The following SESN1 variants were observed in gnomAD, a reference collection of about 807,000 sequenced individuals.
The protein encoded by SESN1 is sestrin-1.
A neutral mutation model predicts 59.3 loss-of-function variants in SESN1; 30 were observed. The ratio of observed to expected loss-of-function variants is 0.51; its 90% CI spans 0.38 to 0.69. The LOEUF (loss-of-function observed/expected upper bound fraction) is 0.69. Ranked by LOEUF, SESN1 falls within the 30% of genes least tolerant of loss-of-function variation. The probability of loss-of-function intolerance (pLI) is 0.00; values close to 1 mark genes in which losing one functional copy is unlikely to be tolerated. For missense variants in SESN1, 566 were observed against 673.0 expected, an observed-to-expected ratio of 0.84 and a Z score of 1.76; for synonymous variants, 197 against 219.9, an observed-to-expected ratio of 0.90 and a Z score of 0.92.
intron 1 of SESN1, among the ~76,000 whole-genome samples, chr6:109,064,009 A>C (rs1186038776): frequency 1.3e-5 from 2 of 152,198 alleles, no homozygotes; most frequent in Non-Finnish European, 2.9e-5. Flanking sequence ...AATAGAAAAA[A>C]TAAAATTGAG....
At position 109,000,538 on chromosome 6, in the gene SESN1, T is replaced by C. The variant is rs1779595167; in HGVS notation, c.682A>G (p.Lys228Glu). 3 of 1,611,032 alleles carry C rather than the reference T, an allele frequency of 1.9e-6. No individual in the cohort carries two copies. Among genetic ancestry groups the C allele is most frequent in the East Asian group, 2.2e-5 (1 of 44,784 alleles). Reference sequence around the variant, plus strand: ...AGCCAAGGTCTATGGGCTAACACTTTGTTAAGTTCTCCTAAATTCTGTAGT... The same window carrying C: ...AGCCAAGGTCTATGGGCTAACACTTCGTTAAGTTCTCCTAAATTCTGTAGT... The part of the protein sequence containing the change: ...QKLQNLGELN[K>E]VLAHRPWLIT... Residue 228 changes from lysine (K) to glutamate (E), a missense_variant, in exon 4 of 10, where the codon AAA (lysine) becomes GAA (glutamate). By Grantham distance (56) the Lys-to-Glu change is moderately conservative (BLOSUM62 1). Coordinates refer to ENST00000436639, the MANE Select transcript of SESN1 (RefSeq NM_014454.3).
chr6:109,009,617 C>T (rs909078614), intron 1 of SESN1: 4 of 1,001,746 alleles, frequency 4.0e-6, no homozygotes, highest in Middle Eastern at 4.6e-4. Context: ...CGTCATTTCA[C>T]CGCCCTGGCG....
At chr6:108,994,696 A>ATAT in intron 5 of SESN1, 87 bp from the exon 6 acceptor site, 1 of 628,522 alleles carries the variant, frequency 1.6e-6, no homozygotes, top group Non-Finnish European at 2.3e-6. Flanking sequence ...AAGAATTTAT[A>ATAT]TCTTTTTTTT....
chr6:108,991,041 A>G (rs1006386876), intron 7 of SESN1, among the ~76,000 whole-genome samples: 1 of 150,244 alleles, frequency 6.7e-6, no homozygotes, highest in Non-Finnish European at 1.5e-5. Context: ...TAACTCAGTG[A>G]GTTTAAAAAC....
At chr6:109,014,639 T>C (rs1225755130) in intron 1 of SESN1, among the ~76,000 whole-genome samples, 1 of 151,926 alleles carries the variant, frequency 6.6e-6, no homozygotes, top group Non-Finnish European at 1.5e-5. Context: ...GTTTGTTTTG[T>C]TTTGTTTTGT....
At position 108,984,578 on chromosome 6, in the gene SESN1, A is replaced by C. The variant is rs1779132065; in HGVS notation, c.*2966T>G. ...GATTACATTTCAGCATACAACATAC[A>C]TCAACATACAAATGTAGGGGAAGAC... On this transcript the variant is annotated 3_prime_UTR_variant, in exon 10 of 10. Transcript: ENST00000436639. Among the ~76,000 whole-genome samples, 2 of 152,216 alleles carry C rather than the reference A, an allele frequency of 1.3e-5. No individual in the cohort carries two copies. Among genetic ancestry groups the C allele is most frequent in the African/African-American group, 4.8e-5 (2 of 41,464 alleles).
At chr6:109,079,832 C>G (rs553661902) in intron 1 of SESN1, among the ~76,000 whole-genome samples, 96 of 152,190 alleles carry the variant, frequency 6.3e-4, no homozygotes, top group African/African-American at 2.2e-3. Context: ...TCCATAATAA[C>G]TGAATAAAAG....
chr6:109,042,351 G>A (rs1324471431), intron 1 of SESN1, among the ~76,000 whole-genome samples: 1 of 150,778 alleles, frequency 6.6e-6, no homozygotes, highest in African/African-American at 2.4e-5. Context: ...AAATAATAAA[G>A]AACAAACATC....
At chr6:109,085,753 T>C (rs1781203691) in intron 1 of SESN1, among the ~76,000 whole-genome samples, 1 of 152,200 alleles carries the variant, frequency 6.6e-6, no homozygotes, top group Non-Finnish European at 1.5e-5. Context: ...TTTACCATCG[T>C]GTGAAAAAAT....
chr6:109,002,199 T>C, intron 2 of SESN1, 79 bp downstream of exon 2: 1 of 1,256,534 alleles, frequency 8.0e-7, no homozygotes, highest in Non-Finnish European at 1.2e-6. Context: ...CCAACAGTTC[T>C]TCAGATGCCA....
intron 1 of SESN1, among the ~76,000 whole-genome samples, chr6:109,075,871 C>T (rs1781023441): frequency 6.6e-6 from 1 of 152,190 alleles, no homozygotes; most frequent in Admixed American, 6.5e-5. Flanking sequence ...CCTCCCCGAC[C>T]CCAGAGGGAA....
At chr6:108,994,983 C>T (rs1316940495) in intron 5 of SESN1, among the ~76,000 whole-genome samples, 4 of 151,998 alleles carry the variant, frequency 2.6e-5, no homozygotes, top group South Asian at 4.1e-4. Flanking sequence ...GGATTACAGG[C>T]GTGAGCCACT....
chr6:109,084,192 T>G (rs1781170932), intron 1 of SESN1, among the ~76,000 whole-genome samples: 1 of 152,268 alleles, frequency 6.6e-6, no homozygotes, highest in Admixed American at 6.5e-5. Flanking sequence ...TATATATACA[T>G]ATTAAAGTTT....
chr6:109,077,783 C>A (rs1178114397), intron 1 of SESN1, among the ~76,000 whole-genome samples: 2 of 152,154 alleles, frequency 1.3e-5, no homozygotes, highest in Admixed American at 1.3e-4. Context: ...TATTTGTGTA[C>A]TTCTTTTGTT....
intron 1 of SESN1, among the ~76,000 whole-genome samples, chr6:109,092,897 A>G (rs1199562503): frequency 6.6e-6 from 1 of 152,228 alleles, no homozygotes; most frequent in African/African-American, 2.4e-5. Flanking sequence ...AAGCCAGTAT[A>G]TAAAAACTGT....
At chr6:109,035,107 C>T (rs530561006) in intron 1 of SESN1, among the ~76,000 whole-genome samples, 1 of 152,104 alleles carries the variant, frequency 6.6e-6, no homozygotes, top group South Asian at 2.1e-4. Context: ...ATTCAGCTGC[C>T]CCACCACTGC....
chr6:109,048,971 C>T (rs937024038), intron 1 of SESN1, among the ~76,000 whole-genome samples: 1 of 152,188 alleles, frequency 6.6e-6, no homozygotes, highest in Non-Finnish European at 1.5e-5. Flanking sequence ...CAGCAAGTCT[C>T]TCTAGGACTT....
At chr6:108,998,451 AATAAT>A in intron 5 of SESN1, 57 bp downstream of exon 5, 1 of 1,588,690 alleles carries the variant, frequency 6.3e-7, no homozygotes, top group Middle Eastern at 1.7e-4. Context: ...CAACTGAAGA[AATAAT>A]ATAACAGCAA....
At chr6:109,025,055 G>C (rs1428732723) in intron 1 of SESN1, among the ~76,000 whole-genome samples, 1 of 152,116 alleles carries the variant, frequency 6.6e-6, no homozygotes, top group African/African-American at 2.4e-5. Flanking sequence ...CAGCAGCACA[G>C]AAAACAGAAG....
Sources: allele counts gnomAD v4.1 joint callset (sites outside exome capture counted in the v4.1 genomes callset), GRCh38; gene constraint gnomAD v4.1.1; transcripts MANE v1.5; gene names NCBI Gene and HGNC (gene_info 2026-07-23, HGNC 2026-07-21).